FAT1: variants seen among roughly 807,000 people sequenced by gnomAD.
FAT1 encodes the protein protocadherin Fat 1.
Under a neutral mutation model 329.8 loss-of-function variants are expected in FAT1, and 171 were observed. The ratio of observed to expected loss-of-function variants is 0.52; its 90% CI spans 0.46 to 0.59. FAT1 has a LOEUF of 0.59. Ranked by LOEUF, FAT1 falls within the 20% of genes least tolerant of loss-of-function variation. FAT1 has a pLI of 0.00. For missense variants in FAT1, 5,672 were observed against 5,774.4 expected (o/e 0.98, Z 0.57); for synonymous variants, 2,233 against 2,228.6 (o/e 1.00, Z -0.06).
intron 2 of FAT1, among the ~76,000 whole-genome samples, chr4:186,695,049 T>A (rs1374340295): frequency 6.6e-6 from 1 of 152,230 alleles, no homozygotes; most frequent in African/African-American, 2.4e-5. Flanking sequence ...AAACCAACAG[T>A]TTCAAAAATA....
In FAT1 at chr4:186,663,526, G is replaced by C. The variant is rs758003613; in HGVS notation, c.3353C>G (p.Pro1118Arg). The C allele has an allele frequency of 9.9e-6, 16 of 1,612,708 alleles. No individual in the cohort carries two copies. The South Asian group carries it at 1.1e-4, about 11-fold the overall frequency. ...GTAGATCTCTATGAACGATGAAAGAGGCACGACACCCTGATCGGTTGCAAA... is the reference window on the plus strand; with the variant it reads ...GTAGATCTCTATGAACGATGAAAGACGCACGACACCCTGATCGGTTGCAAA... ...TVFATDQGVV[P>R]LSSFIEIYIE... The change falls in exon 3 of 27, where the codon CCT (proline) becomes CGT (arginine). Residue 1118 changes from proline (P) to arginine (R), a missense_variant. Physicochemically the swap from Pro to Arg is moderately radical, Grantham distance 103. This residue lies in a region of FAT1 where 3,966 missense variants were observed against 3,915.2 expected (regional missense o/e 1.01). Transcript: ENST00000441802.
intron 2 of FAT1, among the ~76,000 whole-genome samples, chr4:186,692,692 C>T (rs562770255): frequency 2.0e-4 from 30 of 149,264 alleles, no homozygotes; most frequent in African/African-American, 7.2e-4. Flanking sequence ...ATATTCTCTC[C>T]TCATTTCGGT....
rs146953305 is a variant in FAT1, at chr4:186,652,669, G to A, written c.3580+10630C>T. On this transcript the variant is annotated intron_variant, in intron 3 of 26. Coordinates refer to ENST00000441802, the MANE Select transcript of FAT1 (RefSeq NM_005245.4). ...AAATGAATTCCTGCCATTGAAATGC[G>A]ACTGGCCCGTCCTTTCCTTCCTTTG... Among the ~76,000 whole-genome samples the A allele has an allele frequency of 5.1e-3, 772 of 152,132 alleles. 13 individuals carry two copies. The highest frequency in any genetic ancestry group is 0.018 in the African/African-American group (733 of 41,476).
chr4:186,636,970 G>A (rs954843081), intron 4 of FAT1, 56 bp from the exon 5 acceptor site: 12 of 1,462,860 alleles, frequency 8.2e-6, no homozygotes, highest in Non-Finnish European at 1.1e-5. Flanking sequence ...TAAAAAGTGA[G>A]CATCTTCTTC....
intron 26 of FAT1, chr4:186,590,351 T>C: frequency 1.6e-6 from 2 of 1,285,920 alleles, no homozygotes; most frequent in Non-Finnish European, 2.0e-6. Context: ...AATGAATAAC[T>C]GGCATGCATA....
intron 1 of FAT1, among the ~76,000 whole-genome samples, chr4:186,714,013 T>C (rs1745092475): frequency 6.6e-6 from 1 of 152,100 alleles, no homozygotes; most frequent in Admixed American, 6.5e-5. Flanking sequence ...TCAAGATCCG[T>C]CTGGACTCAT....
intron 23 of FAT1, 70 bp from the exon 24 acceptor site, chr4:186,597,862 C>T: frequency 6.4e-7 from 1 of 1,566,088 alleles, no homozygotes; most frequent in Middle Eastern, 1.7e-4. Context: ...AAACAGAAAG[C>T]AAAACAGAAC....
In FAT1 at chr4:186,709,629, C is replaced by G. The variant is rs887968815; in HGVS notation, c.199G>C (p.Ala67Pro). 6.2e-7 allele frequency: 1 copy of G among 1,613,862 alleles called. No homozygotes were observed. Among genetic ancestry groups the G allele is most frequent in the African/African-American group, 1.3e-5 (1 of 74,912 alleles). ...ACAATTTTGTACCTTACTTCCCACG[C>G]TGGATGTGTAATGTAAACACCCATC... ...VKMGVYITHPAWEVRYKIVSG... is the reference protein window; with the variant it reads ...VKMGVYITHPPWEVRYKIVSG... The change falls in exon 2 of 27, where the codon GCG becomes CCG. Residue 67 changes from alanine to proline, a missense_variant. This residue lies in a region of FAT1 where 3,966 missense variants were observed against 3,915.2 expected (regional missense o/e 1.01). Transcript: ENST00000441802.
In FAT1 at chr4:186,626,702, GCTT is replaced by G. The variant is rs559109881; in HGVS notation, c.4810+1449_4810+1451del. Among the ~76,000 whole-genome samples the G allele has an allele frequency of 4.2e-5, 6 of 144,100 alleles. No homozygotes were observed. In the East Asian group the frequency reaches 1.3e-3, roughly 31 times the overall value. The allele number at this position is 144,100 out of a possible 152,430, so 94.5% of individuals were successfully genotyped here. ...ACATGGCACCTCGCACATAAAGTGA[GCTT>G]CATCAGCCCACAGAATGAATGAATG... is the stretch of plus-strand genomic sequence containing the variant. On this transcript the variant is annotated intron_variant, in intron 9 of 26. Transcript: ENST00000441802.
At chr4:186,716,701 A>G (rs1745224262) in intron 1 of FAT1, among the ~76,000 whole-genome samples, 1 of 152,230 alleles carries the variant, frequency 6.6e-6, no homozygotes, top group Non-Finnish European at 1.5e-5. Context: ...TACAGTTGTG[A>G]GCCACTGGGC....
At chr4:186,628,936 A>G (rs1437202011) in intron 7 of FAT1, among the ~76,000 whole-genome samples, 173 bp from the exon 8 acceptor site, 1 of 152,252 alleles carries the variant, frequency 6.6e-6, no homozygotes, top group Non-Finnish European at 1.5e-5. Flanking sequence ...TCTCATTGGT[A>G]TATTACTTAT....
chr4:186,599,853 T>C, intron 22 of FAT1, 45 bp downstream of exon 22: 2 of 1,430,028 alleles, frequency 1.4e-6, no homozygotes, highest in Non-Finnish European at 1.9e-6. Context: ...CCCTTAAATG[T>C]ACACACGTGC....
chr4:186,722,856 T>C (rs938107537), intron 1 of FAT1, among the ~76,000 whole-genome samples: 7 of 152,032 alleles, frequency 4.6e-5, no homozygotes, highest in Non-Finnish European at 8.8e-5. Flanking sequence ...ACCCGGGAAT[T>C]GCTTAACAAA....
At position 186,708,504 on chromosome 4, in the gene FAT1, C is replaced by T. The variant is rs761095645; in HGVS notation, c.1324G>A (p.Asp442Asn). 1.9e-6 allele frequency: 3 copies of T among 1,613,904 alleles called. No individual in the cohort carries two copies. The East Asian group carries it at 6.7e-5, about 36-fold the overall frequency. Reference protein sequence around the residue: ...AHFELEVTTSDRKASTKVLVK... With the variant: ...AHFELEVTTSNRKASTKVLVK... ...AAGACCTTGGTGGACGCTTTTCTGT[C>T]ACTTGTTGTTACTTCAAGTTCAAAA... Residue 442 changes from aspartate to asparagine, a missense_variant, in exon 2 of 27, where the codon GAC (aspartate) becomes AAC (asparagine). Physicochemically the swap from Asp to Asn is conservative, Grantham distance 23 (BLOSUM62 1). Around this residue, in one of 2 missense-constraint regions of FAT1, gnomAD observed 3,966 missense variants for 3,915.2 expected, o/e 1.01. Coordinates refer to ENST00000441802, the MANE Select transcript of FAT1 (RefSeq NM_005245.4).
chr4:186,632,248 A>G (rs1475299964), intron 7 of FAT1, among the ~76,000 whole-genome samples: 1 of 152,140 alleles, frequency 6.6e-6, no homozygotes, highest in East Asian at 1.9e-4. Flanking sequence ...AAAGAGGTGC[A>G]CTGTTAATTA....
chr4:186,724,988 AAAT>A (rs1039693754), upstream of FAT1, among the ~76,000 whole-genome samples: 9 of 152,154 alleles, frequency 5.9e-5, no homozygotes, highest in African/African-American at 1.7e-4. The surrounding 1 kb of genome is among the most constrained non-coding windows in gnomAD (Gnocchi z 5.3). Context: ...TGACCGGAAA[AAAT>A]AATAATAATA....
intron 22 of FAT1, among the ~76,000 whole-genome samples, 188 bp from the exon 23 acceptor site, chr4:186,598,313 T>C (rs1489399162): frequency 3.9e-5 from 6 of 152,334 alleles, no homozygotes; most frequent in African/African-American, 1.2e-4. Flanking sequence ...ACACCCAGAA[T>C]TGAAGAGAGA....
chr4:186,649,652 A>G (rs1303296047), intron 3 of FAT1, among the ~76,000 whole-genome samples: 1 of 152,152 alleles, frequency 6.6e-6, no homozygotes, highest in Non-Finnish European at 1.5e-5. Flanking sequence ...AGGAGCGAGG[A>G]TAGGTCCTTC....
intron 2 of FAT1, among the ~76,000 whole-genome samples, chr4:186,696,420 G>A (rs1204853228): frequency 6.6e-6 from 1 of 152,040 alleles, no homozygotes; most frequent in African/African-American, 2.4e-5. Flanking sequence ...AACACCTTCA[G>A]CTGGGCAACA....
Sources: allele counts gnomAD v4.1 joint callset (sites outside exome capture counted in the v4.1 genomes callset), GRCh38; gene constraint gnomAD v4.1.1; regional missense constraint gnomAD v4.1.1; non-coding constraint Gnocchi (gnomAD v3.1); transcripts MANE v1.5; gene names NCBI Gene and HGNC (gene_info 2026-07-23, HGNC 2026-07-21).